SLC12A7: variants seen among roughly 807,000 people sequenced by gnomAD.
The protein encoded by SLC12A7 is solute carrier family 12 member 7.
Under a neutral mutation model 120.6 loss-of-function variants are expected in SLC12A7, and 100 were observed. That is an observed-to-expected ratio of 0.83 (90% confidence interval 0.71 to 0.98). The LOEUF is 0.98. SLC12A7 is among the 50% of genes least tolerant of loss of function. The pLI, the probability that SLC12A7 is intolerant of heterozygous loss-of-function variation, is 0.00. For synonymous variants in SLC12A7, 760 were observed against 678.0 expected (o/e 1.12, Z -1.88); for missense variants, 1,373 against 1,548.1 (o/e 0.89, Z 1.90).
At chr5:1,107,449 G>T (rs940027447) in intron 1 of SLC12A7, among the ~76,000 whole-genome samples, 5 of 152,204 alleles carry the variant, frequency 3.3e-5, no homozygotes, top group African/African-American at 1.2e-4. Flanking sequence ...TCACTCCACG[G>T]CCCACTCACT....
At chr5:1,055,037 C>T (rs573274385) in intron 22 of SLC12A7, among the ~76,000 whole-genome samples, 23 of 152,182 alleles carry the variant, frequency 1.5e-4, no homozygotes, top group Non-Finnish European at 2.6e-4. Flanking sequence ...TGGGGTGAGG[C>T]GGAGACCTGG....
chr5:1,096,855 A>AGGGG (rs1561098514), intron 1 of SLC12A7, among the ~76,000 whole-genome samples: 1 of 61,338 alleles, frequency 1.6e-5, no homozygotes, highest in African/African-American at 6.3e-5. Flanking sequence ...GGAAGGAGGG[A>AGGGG]GGGAGGGATG....
intron 7 of SLC12A7, 88 bp downstream of exon 7, chr5:1,085,144 C>T (rs1252723923): frequency 3.2e-6 from 5 of 1,541,730 alleles, no homozygotes; most frequent in African/African-American, 2.7e-5. Context: ...AGCTCGGCGT[C>T]AAGGATGATG....
chr5:1,079,201 T>C (rs755328830), intron 10 of SLC12A7, among the ~76,000 whole-genome samples, 197 bp downstream of exon 10: 2 of 152,184 alleles, frequency 1.3e-5, no homozygotes, highest in Non-Finnish European at 2.9e-5. Flanking sequence ...TACGATCGCA[T>C]CACACAGTGG....
chr5:1,061,070 G>GTGCGGGA (rs1736170093), intron 20 of SLC12A7, among the ~76,000 whole-genome samples: 2 of 102,220 alleles, frequency 2.0e-5, no homozygotes, highest in African/African-American at 8.6e-5. Flanking sequence ...CGCACCCGCC[G>GTGCGGGA]CACCTGCCGC....
At chr5:1,092,659 C>G (rs755779405) in intron 3 of SLC12A7, among the ~76,000 whole-genome samples, 45 of 152,132 alleles carry the variant, frequency 3.0e-4, no homozygotes, top group Non-Finnish European at 6.2e-4. Flanking sequence ...AATTTTGTGT[C>G]AAGACTGGGG....
At chr5:1,126,661 C>T in the SLC12A7 span, among the ~76,000 whole-genome samples, 1 of 152,202 alleles carries the variant, frequency 6.6e-6, no homozygotes, top group African/African-American at 2.4e-5. Context: ...CAAGTGGGCC[C>T]CAGGCTGTGT....
At chr5:1,141,468 C>T in the SLC12A7 span, among the ~76,000 whole-genome samples, 3 of 134,374 alleles carry the variant, frequency 2.2e-5, no homozygotes, top group Admixed American at 7.5e-5. Context: ...GCACCAGAGC[C>T]GCCACGGGCA....
intron 22 of SLC12A7, among the ~76,000 whole-genome samples, chr5:1,055,785 T>C (rs547982501): frequency 2.0e-5 from 3 of 152,240 alleles, no homozygotes; most frequent in Non-Finnish European, 2.9e-5. Context: ...TAACACGCTA[T>C]TCTGAAGGCA....
At position 1,078,763 on chromosome 5, in the gene SLC12A7, A is replaced by G. The variant is rs1316473280; in HGVS notation, c.1397-5T>C. On this transcript the variant is annotated splice_region_variant and splice_polypyrimidine_tract_variant and intron_variant, in intron 10 of 23. Coordinates refer to ENST00000264930, the MANE Select transcript of SLC12A7 (RefSeq NM_006598.3). ...ACAGCACAATGCAGGAGAGATCCAC[A>G]GCCCTCGTCAAGGAAAGGCAGGTCC... 1 of 1,585,884 alleles carries G rather than the reference A, an allele frequency of 6.3e-7. No individual in the cohort carries two copies. Among genetic ancestry groups the G allele is most frequent in the African/African-American group, 1.4e-5 (1 of 72,570 alleles).
the SLC12A7 span, among the ~76,000 whole-genome samples, chr5:1,137,733 C>G: frequency 6.6e-6 from 1 of 152,264 alleles, no homozygotes; most frequent in East Asian, 1.9e-4. Context: ...TGGACATGGC[C>G]TCTGCAGGTC....
At chr5:1,083,029 C>G (rs1219306619) in intron 8 of SLC12A7, among the ~76,000 whole-genome samples, 1 of 149,978 alleles carries the variant, frequency 6.7e-6, no homozygotes, top group African/African-American at 2.5e-5. Context: ...AAAGCCTGGG[C>G]TTCCCGTCTC....
chr5:1,113,438 G>A (rs1165521326), upstream of SLC12A7, among the ~76,000 whole-genome samples: 3 of 152,176 alleles, frequency 2.0e-5, no homozygotes, highest in Non-Finnish European at 4.4e-5. Context: ...CCCTGGGGTG[G>A]CCTAGGGTTC....
upstream of SLC12A7, among the ~76,000 whole-genome samples, chr5:1,115,235 G>C (rs1327480685): frequency 6.6e-6 from 1 of 152,266 alleles, no homozygotes; most frequent in African/African-American, 2.4e-5. Context: ...TAGTGCGAAA[G>C]TGTAGCCGAT....
At chr5:1,151,233 C>T in the SLC12A7 span, among the ~76,000 whole-genome samples, 2 of 152,366 alleles carry the variant, frequency 1.3e-5, no homozygotes, top group Non-Finnish European at 2.9e-5. The surrounding 1 kb of genome is among the most constrained non-coding windows in gnomAD (Gnocchi z 6.2). Flanking sequence ...GCTCAGGCAA[C>T]GAACTCTTCA....
rs1227902389 is a variant in SLC12A7 at position 1,112,041 on chromosome 5, G to C, written c.-50C>G. The C allele has an allele frequency of 1.3e-5, 16 of 1,215,908 alleles. No homozygotes were observed. Among genetic ancestry groups the C allele is most frequent in the Non-Finnish European group, 1.5e-5 (15 of 976,614 alleles). 75.3% of individuals were successfully genotyped at this position (1,215,908 alleles called of 1,614,324 possible). A position where few individuals can be genotyped will look rare whatever the true frequency, so the allele number is the denominator to read the frequency against. On this transcript the variant is annotated 5_prime_UTR_variant, in exon 1 of 24. Transcript: ENST00000264930. ...GTCCCGGCCCGGCCCGCGCTGCGCC[G>C]CTCCCGCCGACGCCACGGGACTTGG...
rs1561033417 is a variant in SLC12A7, at chr5:1,060,454, A to G, written c.2740-3T>C. 6.2e-6 allele frequency: 10 copies of G among 1,610,020 alleles called. No homozygotes were observed. The highest frequency in any genetic ancestry group is 1.7e-5 in the Admixed American group (1 of 60,012). On this transcript the variant is annotated splice_polypyrimidine_tract_variant and splice_region_variant and intron_variant, in intron 20 of 23. Transcript: ENST00000264930. Reference sequence around the variant, plus strand: ...AAAGCAGATATGTCGTTTTCAACCTAGAAAGTTCCCAAGCACGTAGTAAGC... The same window carrying G: ...AAAGCAGATATGTCGTTTTCAACCTGGAAAGTTCCCAAGCACGTAGTAAGC...
intron 20 of SLC12A7, among the ~76,000 whole-genome samples, chr5:1,061,418 G>A (rs71593127): frequency 5.0e-5 from 3 of 59,586 alleles, no homozygotes; most frequent in African/African-American, 1.7e-4. Flanking sequence ...CGCCATGCGG[G>A]ACCCCTGCGT....
At chr5:1,154,206 A>G in the SLC12A7 span, among the ~76,000 whole-genome samples, 1 of 151,814 alleles carries the variant, frequency 6.6e-6, no homozygotes, top group East Asian at 1.9e-4. Flanking sequence ...CCTAACCCCT[A>G]ATCCCAACCC....
Sources: allele counts gnomAD v4.1 joint callset (sites outside exome capture counted in the v4.1 genomes callset), GRCh38; gene constraint gnomAD v4.1.1; non-coding constraint Gnocchi (gnomAD v3.1); transcripts MANE v1.5; gene names NCBI Gene and HGNC (gene_info 2026-07-23, HGNC 2026-07-21).